The following TAPT1 variants were observed in gnomAD, a reference collection of about 807,000 sequenced individuals.
TAPT1 encodes the protein transmembrane anterior posterior transformation 1.
TAPT1 carries 28 observed loss-of-function variants against 65.6 expected under a neutral mutation model. The ratio of observed to expected loss-of-function variants is 0.43; its 90% CI spans 0.32 to 0.59. The LOEUF is 0.59. TAPT1 is among the 20% of genes least tolerant of loss of function. TAPT1 has a pLI of 0.09. For missense variants in TAPT1, 563 were observed against 679.9 expected (o/e 0.83, Z 1.91); for synonymous variants, 278 against 245.2 (o/e 1.13, Z -1.25).
chr4:16,224,206 C>G (rs1397639093), intron 1 of TAPT1, among the ~76,000 whole-genome samples: 1 of 152,168 alleles, frequency 6.6e-6, no homozygotes, highest in East Asian at 1.9e-4. Flanking sequence ...CCCTCTGACC[C>G]AGGCCAGCTC....
Position 16,162,875 on chromosome 4 carries a change from CTGTT to C in TAPT1, c.*429_*432del. Reference sequence around the variant, plus strand: ...TGGCAGATGAAGTAACGTTTGAAAACTGTTTGTGAAAATAGTATGAGACTGGAAA... The same window carrying C: ...TGGCAGATGAAGTAACGTTTGAAAACTGTGAAAATAGTATGAGACTGGAAA... On this transcript the variant is annotated 3_prime_UTR_variant, in exon 14 of 14. Coordinates refer to ENST00000405303, the MANE Select transcript of TAPT1 (RefSeq NM_153365.3). 8.1e-6 allele frequency: 3 copies of C among 369,150 alleles called. No individual in the cohort carries two copies. The highest frequency in any genetic ancestry group is 3.9e-5 in the South Asian group (2 of 51,542). The allele number at this position is 369,150 out of a possible 1,614,324, so 22.9% of individuals were successfully genotyped here. A position where few individuals can be genotyped will look rare whatever the true frequency, so the allele number is the denominator to read the frequency against.
chr4:16,163,628 G>C lies in TAPT1; in HGVS notation c.1475-91C>G, dbSNP rs991982811. 22 of 1,023,976 alleles carry C rather than the reference G, an allele frequency of 2.1e-5. No individual in the cohort carries two copies. The South Asian group carries it at 3.3e-4, about 15-fold the overall frequency. The allele number at this position is 1,023,976 out of a possible 1,614,324, so 63.4% of individuals were successfully genotyped here. ...TACCAATACAGTGGTGCTGAAAAAA[G>C]TGCCCATTATCCATGCTTTCCGATA... On this transcript the variant is annotated intron_variant, in intron 13 of 13. Coordinates refer to ENST00000405303, the MANE Select transcript of TAPT1 (RefSeq NM_153365.3).
At position 16,202,774 on chromosome 4, in the gene TAPT1, TCA is replaced by T. The variant is rs1750116341; in HGVS notation, c.331-196_331-195del. Among the ~76,000 whole-genome samples, 3 of 152,302 alleles carry T rather than the reference TCA, an allele frequency of 2.0e-5. No individual in the cohort carries two copies. The South Asian group carries it at 6.2e-4, about 32-fold the overall frequency. On this transcript the variant is annotated intron_variant, in intron 2 of 13. Coordinates refer to ENST00000405303, the MANE Select transcript of TAPT1 (RefSeq NM_153365.3). ...TTCCTCAGAGCCTTTGGTTTACGAC[TCA>T]CAAAAGAAATTACTCAAAAACAAGT... is the stretch of plus-strand genomic sequence containing the variant.
At position 16,202,553 on chromosome 4, in the gene TAPT1, G is replaced by A; in HGVS notation, c.358C>T (p.Leu120=). Residue 120 remains leucine, a synonymous_variant, in exon 3 of 14, where the codon CTG becomes TTG. Coordinates refer to ENST00000405303, the MANE Select transcript of TAPT1 (RefSeq NM_153365.3). ...KLMVFGIFLC[L]DAFLYVFTLL... is the part of the protein sequence containing the mutation. ...GTGAACACATACAAAAACGCATCCA[G>A]GCACAGAAAGATTCCAAAAACCATC... is the stretch of plus-strand genomic sequence containing the variant. The A allele has an allele frequency of 1.9e-6, 3 of 1,544,772 alleles. No homozygotes were observed. Among genetic ancestry groups the A allele is most frequent in the Non-Finnish European group, 2.6e-6 (3 of 1,144,428 alleles).
chr4:16,206,339 T>C (rs1750343110), intron 2 of TAPT1, among the ~76,000 whole-genome samples: 1 of 152,226 alleles, frequency 6.6e-6, no homozygotes, highest in South Asian at 2.1e-4. Context: ...CCATGTTGAA[T>C]ACTGTTATAT....
chr4:16,204,221 T>C (rs973244312), intron 2 of TAPT1, among the ~76,000 whole-genome samples: 1 of 152,154 alleles, frequency 6.6e-6, no homozygotes, highest in African/African-American at 2.4e-5. Flanking sequence ...CACTAAAAAG[T>C]TGCAACTCAG....
At position 16,220,531 on chromosome 4, in the gene TAPT1, C is replaced by T. The variant is rs141715428; in HGVS notation, c.199+5728G>A. ...TTTGGGAGGCCAAGGCGGGTGGATCCCAATGTCAAGAGATGGAGACCATCC... is the reference window on the plus strand; with the variant it reads ...TTTGGGAGGCCAAGGCGGGTGGATCTCAATGTCAAGAGATGGAGACCATCC... On this transcript the variant is annotated intron_variant, in intron 1 of 13. Transcript: ENST00000405303. Among the ~76,000 whole-genome samples, 4 of 151,940 alleles carry T rather than the reference C, an allele frequency of 2.6e-5. No individual in the cohort carries two copies. The East Asian group carries it at 7.8e-4, about 30-fold the overall frequency.
At chr4:16,180,470 C>T (rs1211700885) in intron 7 of TAPT1, among the ~76,000 whole-genome samples, 1 of 152,130 alleles carries the variant, frequency 6.6e-6, no homozygotes, top group Admixed American at 6.5e-5. Context: ...ATATAACAAC[C>T]CATCTCAAAA....
At position 16,160,753 on chromosome 4, in the gene TAPT1, T is replaced by G. The variant is rs1747208119; in HGVS notation, c.*2555A>C. 1 of 152,578 alleles carries G rather than the reference T, an allele frequency of 6.6e-6. No homozygotes were observed. The highest frequency in any genetic ancestry group is 2.1e-4 in the South Asian group (1 of 4,838). 9.5% of individuals were successfully genotyped at this position (152,578 alleles called of 1,614,324 possible). ...CATGTAACAATGTAGAGATATTACATTATTTTGTAAATTTATCTCCTCCTC... is the reference window on the plus strand; with the variant it reads ...CATGTAACAATGTAGAGATATTACAGTATTTTGTAAATTTATCTCCTCCTC... On this transcript the variant is annotated 3_prime_UTR_variant, in exon 14 of 14. Transcript: ENST00000405303.
At chr4:16,165,269 A>G (rs1282642776) in intron 13 of TAPT1, among the ~76,000 whole-genome samples, 1 of 151,960 alleles carries the variant, frequency 6.6e-6, no homozygotes, top group East Asian at 1.9e-4. Context: ...TATTCCACAC[A>G]TTTAAAAACA....
chr4:16,194,410 G>A (rs1749564834), intron 3 of TAPT1, among the ~76,000 whole-genome samples: 1 of 152,142 alleles, frequency 6.6e-6, no homozygotes, highest in Non-Finnish European at 1.5e-5. Flanking sequence ...CCCACACGGT[G>A]CAGCAGGGAT....
In TAPT1 at chr4:16,163,291, C is replaced by T. The variant is rs556531172; in HGVS notation, c.*17G>A. ...TTGCCCCAGGACCCAGCTTCTTCAG[C>T]GCATGAAGCCACAGATTCAGTCAAT... On this transcript the variant is annotated 3_prime_UTR_variant, in exon 14 of 14. Coordinates refer to ENST00000405303, the MANE Select transcript of TAPT1 (RefSeq NM_153365.3). The T allele has an allele frequency of 2.5e-6, 4 of 1,598,482 alleles. No individual in the cohort carries two copies. Among genetic ancestry groups the T allele is most frequent in the Non-Finnish European group, 3.4e-6 (4 of 1,165,838 alleles).
chr4:16,223,000 G>T (rs1751343395), intron 1 of TAPT1, among the ~76,000 whole-genome samples: 1 of 152,112 alleles, frequency 6.6e-6, no homozygotes, highest in Non-Finnish European at 1.5e-5. Context: ...TGTTTCACCT[G>T]TGCTACCCTC....
rs555498578 is a variant in TAPT1 at position 16,177,614 on chromosome 4, A to C, written c.998-1386T>G. On this transcript the variant is annotated intron_variant, in intron 8 of 13. Coordinates refer to ENST00000405303, the MANE Select transcript of TAPT1 (RefSeq NM_153365.3). ...TTTTTTTTAATCCACATCACTAGCA[A>C]AGGGCAAGTTTCTTAATGAGCTAAA... Among the ~76,000 whole-genome samples, 7 of 152,296 alleles carry C rather than the reference A, an allele frequency of 4.6e-5. No individual in the cohort carries two copies. In the South Asian group the frequency reaches 1.5e-3, roughly 32 times the overall value.
At chr4:16,172,356 CA>C (rs74272258) in intron 11 of TAPT1, among the ~76,000 whole-genome samples, 1,748 of 134,800 alleles carry the variant, frequency 0.013, 15 homozygotes, top group African/African-American at 0.026. Flanking sequence ...CCAATCCTTA[CA>C]AAAAAAAAAA....
chr4:16,226,774 A>G (rs1206996963), upstream of TAPT1: 2 of 155,200 alleles, frequency 1.3e-5, no homozygotes, highest in South Asian at 1.8e-4. Context: ...GGTCCCGCAG[A>G]GCGGGCGCCT....
At chr4:16,192,571 C>T (rs2149694001) in intron 3 of TAPT1, among the ~76,000 whole-genome samples, 1 of 152,154 alleles carries the variant, frequency 6.6e-6, no homozygotes, top group South Asian at 2.1e-4. Flanking sequence ...TGAAAGGAAC[C>T]ATCTTAACAA....
At position 16,163,215 on chromosome 4, in the gene TAPT1, AT is replaced by A; in HGVS notation, c.*92del. 4 of 902,118 alleles carry A rather than the reference AT, an allele frequency of 4.4e-6. No individual in the cohort carries two copies. The highest frequency in any genetic ancestry group is 7.1e-6 in the Non-Finnish European group (4 of 559,500). 55.9% of individuals were successfully genotyped at this position (902,118 alleles called of 1,614,324 possible). Reference sequence around the variant, plus strand: ...AATAATAATTTAAGTTTTTAAATAAATATTTAAGTGCCATGTTTAGCATCTA... The same window carrying A: ...AATAATAATTTAAGTTTTTAAATAAAATTTAAGTGCCATGTTTAGCATCTA... On this transcript the variant is annotated 3_prime_UTR_variant, in exon 14 of 14. Coordinates refer to ENST00000405303, the MANE Select transcript of TAPT1 (RefSeq NM_153365.3).
intron 12 of TAPT1, among the ~76,000 whole-genome samples, chr4:16,170,234 A>G (rs893704396): frequency 1.3e-5 from 2 of 152,256 alleles, no homozygotes; most frequent in Admixed American, 1.3e-4. Context: ...TCACAGACAG[A>G]AAACCTAAGC....
Sources: allele counts gnomAD v4.1 joint callset (sites outside exome capture counted in the v4.1 genomes callset), GRCh38; gene constraint gnomAD v4.1.1; transcripts MANE v1.5; gene names NCBI Gene and HGNC (gene_info 2026-07-23, HGNC 2026-07-21).